MBOAT1: variants seen among roughly 807,000 people sequenced by gnomAD.
The protein encoded by MBOAT1 is membrane-bound glycerophospholipid O-acyltransferase 1.
Under a neutral mutation model 64.4 loss-of-function variants are expected in MBOAT1, and 67 were observed. The ratio of observed to expected loss-of-function variants is 1.04; its 90% CI spans 0.85 to 1.27. The LOEUF (loss-of-function observed/expected upper bound fraction) is 1.27. MBOAT1 is among the 50% of genes most tolerant of loss of function. The probability of loss-of-function intolerance (pLI) is 0.00; values close to 1 mark genes in which losing one functional copy is unlikely to be tolerated. For synonymous variants in MBOAT1, 229 were observed against 218.9 expected, an observed-to-expected ratio of 1.05 and a Z score of -0.41; for missense variants, 563 against 604.6, an observed-to-expected ratio of 0.93 and a Z score of 0.72.
At chr6:20,146,733 A>C (rs1022270381) in intron 3 of MBOAT1, among the ~76,000 whole-genome samples, 14 of 152,310 alleles carry the variant, frequency 9.2e-5, no homozygotes, top group African/African-American at 2.6e-4. Context: ...CAGAAGAAAG[A>C]AAGCAAGTTC....
rs371445484 is a variant in MBOAT1, at chr6:20,212,215, G to A, written c.20C>T (p.Pro7Leu). The A allele has an allele frequency of 6.8e-6, 11 of 1,612,702 alleles. No homozygotes were observed. Among genetic ancestry groups the A allele is most frequent in the Non-Finnish European group, 9.3e-6 (11 of 1,179,814 alleles). Residue 7 changes from proline (P) to leucine (L), a missense_variant, in exon 1 of 13, where the codon CCG becomes CTG. Coordinates refer to ENST00000324607, the MANE Select transcript of MBOAT1 (RefSeq NM_001080480.3). MAAEPQ[P>L]SSLSYRTTGS... ...CGTGGTGCGGTAGGAAAGGCTGGACGGCTGCGGCTCTGCTGCCATCCTGCA... is the reference window on the plus strand; with the variant it reads ...CGTGGTGCGGTAGGAAAGGCTGGACAGCTGCGGCTCTGCTGCCATCCTGCA...
chr6:20,188,825 G>T (rs773468440), intron 1 of MBOAT1, among the ~76,000 whole-genome samples: 1 of 152,158 alleles, frequency 6.6e-6, no homozygotes, highest in African/African-American at 2.4e-5. Context: ...CTGTGTGGCT[G>T]TGGGCATGTC....
intron 1 of MBOAT1, among the ~76,000 whole-genome samples, chr6:20,190,087 T>C (rs1478558852): frequency 1.3e-5 from 2 of 151,970 alleles, no homozygotes; most frequent in Non-Finnish European, 2.9e-5. Flanking sequence ...CTCCGCCTCC[T>C]GGGTTCAAGC....
intron 12 of MBOAT1, among the ~76,000 whole-genome samples, chr6:20,108,000 C>T (rs985990893): frequency 3.9e-5 from 6 of 152,030 alleles, no homozygotes; most frequent in Non-Finnish European, 7.4e-5. Flanking sequence ...AAATTGGAGC[C>T]GGAAGCATGT....
intron 7 of MBOAT1, chr6:20,125,755 T>A (rs1329382062): frequency 3.1e-6 from 1 of 324,400 alleles, no homozygotes; most frequent in African/African-American, 2.2e-5. Context: ...ATCTAAAAAC[T>A]CATACCTAAT....
chr6:20,189,933 G>A (rs772186052), intron 1 of MBOAT1, among the ~76,000 whole-genome samples: 22 of 151,768 alleles, frequency 1.4e-4, no homozygotes, highest in Non-Finnish European at 3.1e-4. Flanking sequence ...TCTGTTGATG[G>A]ACACTAAGGT....
At chr6:20,195,628 TG>T (rs1762933897) in intron 1 of MBOAT1, among the ~76,000 whole-genome samples, 1 of 152,064 alleles carries the variant, frequency 6.6e-6, no homozygotes, top group Non-Finnish European at 1.5e-5. Flanking sequence ...TGTGTGTGTG[TG>T]TGTGTGCATG....
chr6:20,126,450 T>C, intron 7 of MBOAT1, 67 bp downstream of exon 7: 3 of 1,354,000 alleles, frequency 2.2e-6, no homozygotes, highest in Non-Finnish European at 3.0e-6. Flanking sequence ...GCTTCTTAAT[T>C]AGAACCATTA....
intron 8 of MBOAT1, among the ~76,000 whole-genome samples, chr6:20,122,152 C>T (rs770225796): frequency 1.3e-4 from 19 of 151,760 alleles, no homozygotes; most frequent in Non-Finnish European, 2.1e-4. Flanking sequence ...GTGACAAGAG[C>T]GAAACTCCAT....
At chr6:20,206,228 C>T (rs2113777278) in intron 1 of MBOAT1, among the ~76,000 whole-genome samples, 1 of 152,266 alleles carries the variant, frequency 6.6e-6, no homozygotes, top group South Asian at 2.1e-4. Context: ...GGCTGGAGTA[C>T]AGTGGCACAA....
intron 3 of MBOAT1, among the ~76,000 whole-genome samples, chr6:20,149,977 AC>A (rs1300529640): frequency 6.6e-6 from 1 of 152,166 alleles, no homozygotes; most frequent in Non-Finnish European, 1.5e-5. Flanking sequence ...TTGAGCTCTT[AC>A]TTGTGCCAGG....
At chr6:20,112,118 A>C (rs780335613) in intron 11 of MBOAT1, among the ~76,000 whole-genome samples, 1 of 151,740 alleles carries the variant, frequency 6.6e-6, no homozygotes, top group Non-Finnish European at 1.5e-5. Context: ...TCTTGGCATC[A>C]GAAATAAGGA....
intron 8 of MBOAT1, among the ~76,000 whole-genome samples, chr6:20,119,868 C>T (rs1309431829): frequency 6.6e-6 from 1 of 152,150 alleles, no homozygotes; most frequent in Non-Finnish European, 1.5e-5. Context: ...AAACCAGAGC[C>T]AGGCTGACCG....
chr6:20,187,320 G>C (rs1044297865), intron 1 of MBOAT1, among the ~76,000 whole-genome samples: 2 of 152,238 alleles, frequency 1.3e-5, no homozygotes, highest in African/African-American at 4.8e-5. Flanking sequence ...TGTAAAGTGA[G>C]GGAGGGAAAA....
intron 3 of MBOAT1, among the ~76,000 whole-genome samples, chr6:20,146,813 C>T (rs1044437442): frequency 3.9e-5 from 6 of 152,148 alleles, no homozygotes; most frequent in Admixed American, 1.3e-4. Context: ...AACAGGGCAA[C>T]GCATTCATGC....
intron 1 of MBOAT1, among the ~76,000 whole-genome samples, chr6:20,159,581 A>G (rs1001900772): frequency 1.3e-5 from 2 of 152,306 alleles, no homozygotes; most frequent in Admixed American, 1.3e-4. Context: ...AAAAAAGTCG[A>G]AAAAGCAGAG....
chr6:20,144,631 C>T (rs1761278984), intron 3 of MBOAT1, among the ~76,000 whole-genome samples: 1 of 152,246 alleles, frequency 6.6e-6, no homozygotes, highest in African/African-American at 2.4e-5. Flanking sequence ...TGGCAGTGCG[C>T]AGCCAGGGCT....
At chr6:20,102,915 CAT>C (rs966431816) in intron 12 of MBOAT1, among the ~76,000 whole-genome samples, 38 of 152,284 alleles carry the variant, frequency 2.5e-4, no homozygotes, top group Admixed American at 2.2e-3. Context: ...GCATTGTTCA[CAT>C]GTTTGTGGTA....
chr6:20,131,078 T>G, intron 5 of MBOAT1, 66 bp downstream of exon 5: 1 of 1,371,258 alleles, frequency 7.3e-7, no homozygotes, highest in South Asian at 1.2e-5. Flanking sequence ...GTGTACATAG[T>G]ATAAAAAGAA....
Sources: gnomAD v4.1 joint callset for allele counts (sites outside exome capture counted in the v4.1 genomes callset) on GRCh38, gnomAD v4.1.1 for gene constraint, MANE v1.5 for transcripts, NCBI Gene and HGNC (gene_info 2026-07-23, HGNC 2026-07-21) for gene names.